Variants in NCBP2AS2 observed in about 807,000 individuals in gnomAD.
The protein encoded by NCBP2AS2 is NCBP2 antisense 2 (head to head), also known as protein NCBP2AS2.
For missense variants in NCBP2AS2, 125 were observed against 56.0 expected (o/e 2.23, Z -3.93); for synonymous variants, 67 against 28.0 (o/e 2.39, Z -4.40).
chr3:196,943,048 T>C lies in NCBP2AS2; in HGVS notation c.*32T>C. 1 of 647,694 alleles carries C rather than the reference T, an allele frequency of 1.5e-6. No homozygotes were observed. Among genetic ancestry groups the C allele is most frequent in the Non-Finnish European group, 2.7e-6 (1 of 367,086 alleles). 40.1% of individuals were successfully genotyped at this position (647,694 alleles called of 1,614,324 possible). On this transcript the variant is annotated 3_prime_UTR_variant, in exon 1 of 1. Coordinates refer to ENST00000602845, the MANE Select transcript of NCBP2AS2 (RefSeq NM_001355243.2). ...GCTGTGCGGGGCCGAGGCCGCTTGC[T>C]TTTCCTTCCGGGCTCTACAGTGGCA...
rs1716668140 is a variant in NCBP2AS2 at position 196,942,700 on chromosome 3, C to T, written c.-17C>T. 4 of 734,974 alleles carry T rather than the reference C, an allele frequency of 5.4e-6. No individual in the cohort carries two copies. The highest frequency in any genetic ancestry group is 9.4e-6 in the Non-Finnish European group (4 of 424,778). 45.5% of individuals were successfully genotyped at this position (734,974 alleles called of 1,614,324 possible). ...AAGACGAGGGCGGCGAGGTCGGGTT[C>T]CGGGCGCTTGGAGAAGATGGTGCTG... On this transcript the variant is annotated 5_prime_UTR_variant, in exon 1 of 1. Coordinates refer to ENST00000602845, the MANE Select transcript of NCBP2AS2 (RefSeq NM_001355243.2).
Position 196,943,029 on chromosome 3 carries a change from C to CGGG in NCBP2AS2, c.*15_*17dup. ...CGCAAACATTTAATCCTGGGCTGTG[C>CGGG]GGGGCCGAGGCCGCTTGCTTTTCCT... is the stretch of plus-strand genomic sequence containing the variant. On this transcript the variant is annotated 3_prime_UTR_variant, in exon 1 of 1. Coordinates refer to ENST00000602845, the MANE Select transcript of NCBP2AS2 (RefSeq NM_001355243.2). 1.5e-6 allele frequency: 1 copy of CGGG among 662,198 alleles called. No individual in the cohort carries two copies. The highest frequency in any genetic ancestry group is 2.7e-6 in the Non-Finnish European group (1 of 372,416). The allele number at this position is 662,198 out of a possible 1,614,324, so 41.0% of individuals were successfully genotyped here. A position where few individuals can be genotyped will look rare whatever the true frequency, so the allele number is the denominator to read the frequency against.
rs1716686360 is a variant in NCBP2AS2, at chr3:196,942,922, T to A, written c.206T>A (p.Phe69Tyr). The change falls in exon 1 of 1, where the codon TTT becomes TAT. Residue 69 changes from phenylalanine to tyrosine, a missense_variant. Transcript: ENST00000602845. ...VGSLCRRAER[F>Y]RDAFTQELRR... ...TCCCTGTGCCGCCGCGCTGAGCGAT[T>A]TAGAGACGCCTTCACCCAGGAGCTA... is the stretch of plus-strand genomic sequence containing the variant. The A allele has an allele frequency of 1.4e-6, 1 of 701,138 alleles. No homozygotes were observed. The highest frequency in any genetic ancestry group is 2.6e-6 in the Non-Finnish European group (1 of 384,320). 43.4% of individuals were successfully genotyped at this position (701,138 alleles called of 1,614,324 possible).
At position 196,942,795 on chromosome 3, in the gene NCBP2AS2, C is replaced by A; in HGVS notation, c.79C>A (p.Arg27=). 1.4e-6 allele frequency: 1 copy of A among 699,628 alleles called. No homozygotes were observed. Among genetic ancestry groups the A allele is most frequent in the South Asian group, 1.5e-5 (1 of 67,332 alleles). The allele number at this position is 699,628 out of a possible 1,614,324, so 43.3% of individuals were successfully genotyped here. A position where few individuals can be genotyped will look rare whatever the true frequency, so the allele number is the denominator to read the frequency against. ...VERLSESRPI[R]RAAQLTAFAL... ...ACGTCTGTCAGAGTCGCGGCCTATCCGACGTGCGGCGCAGCTCACGGCCTT... is the reference window on the plus strand; with the variant it reads ...ACGTCTGTCAGAGTCGCGGCCTATCAGACGTGCGGCGCAGCTCACGGCCTT... The change falls in exon 1 of 1, where the codon CGA becomes AGA. Residue 27 remains arginine (R), a synonymous_variant. Coordinates refer to ENST00000602845, the MANE Select transcript of NCBP2AS2 (RefSeq NM_001355243.2).
Position 196,942,761 on chromosome 3 carries a change from G to A in NCBP2AS2, c.45G>A (p.Gln15=), listed in dbSNP as rs1049553688. 25 of 700,786 alleles carry A rather than the reference G, an allele frequency of 3.6e-5. No individual in the cohort carries two copies. The highest frequency in any genetic ancestry group is 6.2e-5 in the Non-Finnish European group (24 of 384,844). The allele number at this position is 700,786 out of a possible 1,614,324, so 43.4% of individuals were successfully genotyped here. The change falls in exon 1 of 1, where the codon CAG becomes CAA. Residue 15 remains glutamine (Q), a synonymous_variant. Coordinates refer to ENST00000602845, the MANE Select transcript of NCBP2AS2 (RefSeq NM_001355243.2). ...RLLAALLHSP[Q]LVERLSESRP... Reference sequence around the variant, plus strand: ...TGGCCGCCCTGCTGCACAGCCCGCAGCTGGTGGAACGTCTGTCAGAGTCGC... The same window carrying A: ...TGGCCGCCCTGCTGCACAGCCCGCAACTGGTGGAACGTCTGTCAGAGTCGC...
rs17091708 is a variant in NCBP2AS2, at chr3:196,943,194, G to T, written c.*178G>T. ...AGACCGCCCGCTCCGTTGAAGTCTT[G>T]TGATTGGACAAGACACAGTGTGGAG... On this transcript the variant is annotated 3_prime_UTR_variant, in exon 1 of 1. Transcript: ENST00000602845. 6.1e-3 allele frequency: 3,310 copies of T among 541,092 alleles called. 70 individuals are homozygous for T. In the East Asian group the frequency reaches 0.063, roughly 10 times the overall value. 33.5% of individuals were successfully genotyped at this position (541,092 alleles called of 1,614,324 possible). A position where few individuals can be genotyped will look rare whatever the true frequency, so the allele number is the denominator to read the frequency against.
In NCBP2AS2 at chr3:196,943,228, A is replaced by G. The variant is rs1716703696; in HGVS notation, c.*212A>G. On this transcript the variant is annotated 3_prime_UTR_variant, in exon 1 of 1. Coordinates refer to ENST00000602845, the MANE Select transcript of NCBP2AS2 (RefSeq NM_001355243.2). The stretch of plus-strand genomic sequence containing the variant: ...CAAGACACAGTGTGGAGACAGCCCT[A>G]AGCCTAACAGAGATGAAGGTAGGCT... 1.3e-5 allele frequency: 6 copies of G among 457,460 alleles called. No individual in the cohort carries two copies. The East Asian group carries it at 2.3e-4, about 17-fold the overall frequency. 28.3% of individuals were successfully genotyped at this position (457,460 alleles called of 1,614,324 possible). A position where few individuals can be genotyped will look rare whatever the true frequency, so the allele number is the denominator to read the frequency against.
rs1434146171 is a variant in NCBP2AS2 at position 196,942,733 on chromosome 3, T to A, written c.17T>A (p.Leu6Gln). The A allele has an allele frequency of 2.9e-6, 2 of 699,864 alleles. No individual in the cohort carries two copies. Among genetic ancestry groups the A allele is most frequent in the Non-Finnish European group, 2.6e-6 (1 of 387,990 alleles). 43.4% of individuals were successfully genotyped at this position (699,864 alleles called of 1,614,324 possible). MVLRR[L>Q]LAALLHSPQL... Reference sequence around the variant, plus strand: ...TTGGAGAAGATGGTGCTGCGGCGGCTGCTGGCCGCCCTGCTGCACAGCCCG... The same window carrying A: ...TTGGAGAAGATGGTGCTGCGGCGGCAGCTGGCCGCCCTGCTGCACAGCCCG... Residue 6 changes from leucine to glutamine, a missense_variant, in exon 1 of 1, where the codon CTG becomes CAG. Coordinates refer to ENST00000602845, the MANE Select transcript of NCBP2AS2 (RefSeq NM_001355243.2).
Position 196,943,128 on chromosome 3 carries a change from AT to A in NCBP2AS2, c.*114del. On this transcript the variant is annotated 3_prime_UTR_variant, in exon 1 of 1. Coordinates refer to ENST00000602845, the MANE Select transcript of NCBP2AS2 (RefSeq NM_001355243.2). The stretch of plus-strand genomic sequence containing the variant: ...CGCGCGGCTTCGAATCCCGACTGGG[AT>A]TGTTGGCCTGCAGACATCCCACGCA... 1 of 596,428 alleles carries A rather than the reference AT, an allele frequency of 1.7e-6. No individual in the cohort carries two copies. Among genetic ancestry groups the A allele is most frequent in the Non-Finnish European group, 2.9e-6 (1 of 339,610 alleles). The allele number at this position is 596,428 out of a possible 1,614,324, so 36.9% of individuals were successfully genotyped here.
In NCBP2AS2 at chr3:196,943,384, C is replaced by T; in HGVS notation, c.*368C>T. 4.7e-6 allele frequency: 1 copy of T among 212,396 alleles called. No individual in the cohort carries two copies. The allele number at this position is 212,396 out of a possible 1,614,324, so 13.2% of individuals were successfully genotyped here. On this transcript the variant is annotated 3_prime_UTR_variant, in exon 1 of 1. Coordinates refer to ENST00000602845, the MANE Select transcript of NCBP2AS2 (RefSeq NM_001355243.2). ...ATAGCAGGACAGTTAATTCCAGGGACGATATGGATGAAAAGACAACCCTAC... is the reference window on the plus strand; with the variant it reads ...ATAGCAGGACAGTTAATTCCAGGGATGATATGGATGAAAAGACAACCCTAC...
At position 196,942,880 on chromosome 3, in the gene NCBP2AS2, C is replaced by G. The variant is rs1323928049; in HGVS notation, c.164C>G (p.Ala55Gly). The G allele has an allele frequency of 5.7e-6, 4 of 699,800 alleles. No homozygotes were observed. The highest frequency in any genetic ancestry group is 2.4e-4 in the Middle Eastern group (1 of 4,172). 43.3% of individuals were successfully genotyped at this position (699,800 alleles called of 1,614,324 possible). The change falls in exon 1 of 1, where the codon GCG becomes GGG. Residue 55 changes from alanine to glycine, a missense_variant. Ala to Gly is a moderately conservative substitution (Grantham distance 60). Coordinates refer to ENST00000602845, the MANE Select transcript of NCBP2AS2 (RefSeq NM_001355243.2). ...GCGGCCCGCCGCCTGCAGGACCTCG[C>G]GGCTGGGCCCGTGGGCTCCCTGTGC... The part of the protein sequence containing the change: ...QDAARRLQDL[A>G]AGPVGSLCRR...
Position 196,942,909 on chromosome 3 carries a change from C to T in NCBP2AS2, c.193C>T (p.Arg65Cys), listed in dbSNP as rs538618158. The T allele has an allele frequency of 7.6e-5, 53 of 700,932 alleles. No homozygotes were observed. Among genetic ancestry groups the T allele is most frequent in the Admixed American group, 5.0e-4 (25 of 49,920 alleles). The allele number at this position is 700,932 out of a possible 1,614,324, so 43.4% of individuals were successfully genotyped here. ...AAGPVGSLCR[R>C]AERFRDAFTQ... The stretch of plus-strand genomic sequence containing the variant: ...TGGGCCCGTGGGCTCCCTGTGCCGC[C>T]GCGCTGAGCGATTTAGAGACGCCTT... The change falls in exon 1 of 1, where the codon CGC (arginine) becomes TGC (cysteine). Residue 65 changes from arginine to cysteine, a missense_variant. Transcript: ENST00000602845.
At position 196,942,968 on chromosome 3, in the gene NCBP2AS2, C is replaced by T. The variant is rs761878360; in HGVS notation, c.252C>T (p.Arg84=). ...TQELRRGLRG[R]SGPPPGSQRG... is the part of the protein sequence containing the mutation. ...AGCTACGCCGCGGCCTCCGAGGCCG[C>T]TCGGGGCCACCACCAGGTAGCCAGA... is the stretch of plus-strand genomic sequence containing the variant. The change falls in exon 1 of 1, where the codon CGC becomes CGT. Residue 84 remains arginine (R), a synonymous_variant. Coordinates refer to ENST00000602845, the MANE Select transcript of NCBP2AS2 (RefSeq NM_001355243.2). The T allele has an allele frequency of 2.2e-5, 15 of 697,558 alleles. No individual in the cohort carries two copies. In the South Asian group the frequency reaches 2.2e-4, roughly 10 times the overall value. 43.2% of individuals were successfully genotyped at this position (697,558 alleles called of 1,614,324 possible).
Position 196,943,024 on chromosome 3 carries a change from C to G in NCBP2AS2, c.*8C>G. The G allele has an allele frequency of 1.5e-6, 1 of 664,518 alleles. No individual in the cohort carries two copies. Among genetic ancestry groups the G allele is most frequent in the South Asian group, 1.6e-5 (1 of 61,936 alleles). 41.2% of individuals were successfully genotyped at this position (664,518 alleles called of 1,614,324 possible). On this transcript the variant is annotated 3_prime_UTR_variant, in exon 1 of 1. Transcript: ENST00000602845. ...CCTGGCGCAAACATTTAATCCTGGG[C>G]TGTGCGGGGCCGAGGCCGCTTGCTT...
Position 196,942,734 on chromosome 3 carries a change from G to A in NCBP2AS2, c.18G>A (p.Leu6=). The change falls in exon 1 of 1, where the codon CTG becomes CTA. Residue 6 remains leucine, a synonymous_variant. Coordinates refer to ENST00000602845, the MANE Select transcript of NCBP2AS2 (RefSeq NM_001355243.2). Reference sequence around the variant, plus strand: ...TGGAGAAGATGGTGCTGCGGCGGCTGCTGGCCGCCCTGCTGCACAGCCCGC... The same window carrying A: ...TGGAGAAGATGGTGCTGCGGCGGCTACTGGCCGCCCTGCTGCACAGCCCGC... MVLRR[L]LAALLHSPQL... is the part of the protein sequence containing the mutation. The A allele has an allele frequency of 2.9e-6, 2 of 699,386 alleles. No individual in the cohort carries two copies. Among genetic ancestry groups the A allele is most frequent in the Admixed American group, 2.1e-5 (1 of 47,004 alleles). 43.3% of individuals were successfully genotyped at this position (699,386 alleles called of 1,614,324 possible). A position where few individuals can be genotyped will look rare whatever the true frequency, so the allele number is the denominator to read the frequency against.
rs1716683384 is a variant in NCBP2AS2, at chr3:196,942,877, T to C, written c.161T>C (p.Leu54Pro). 1.4e-6 allele frequency: 1 copy of C among 699,350 alleles called. No individual in the cohort carries two copies. Among genetic ancestry groups the C allele is most frequent in the Admixed American group, 2.0e-5 (1 of 49,814 alleles). 43.3% of individuals were successfully genotyped at this position (699,350 alleles called of 1,614,324 possible). Residue 54 changes from leucine (L) to proline (P), a missense_variant, in exon 1 of 1, where the codon CTC becomes CCC. Coordinates refer to ENST00000602845, the MANE Select transcript of NCBP2AS2 (RefSeq NM_001355243.2). ...GACGCGGCCCGCCGCCTGCAGGACC[T>C]CGCGGCTGGGCCCGTGGGCTCCCTG... ...GQDAARRLQD[L>P]AAGPVGSLCR... is the part of the protein sequence containing the mutation.
chr3:196,942,766 TG>T lies in NCBP2AS2; in HGVS notation c.52del (p.Glu18AsnfsTer143). The T allele has an allele frequency of 1.4e-6, 1 of 700,444 alleles. No individual in the cohort carries two copies. Among genetic ancestry groups the T allele is most frequent in the East Asian group, 2.7e-5 (1 of 36,976 alleles). 43.4% of individuals were successfully genotyped at this position (700,444 alleles called of 1,614,324 possible). A position where few individuals can be genotyped will look rare whatever the true frequency, so the allele number is the denominator to read the frequency against. On this transcript the variant is annotated frameshift_variant, in exon 1 of 1. Coordinates refer to ENST00000602845, the MANE Select transcript of NCBP2AS2 (RefSeq NM_001355243.2). LOFTEE classifies it high-confidence loss of function. ...GCCCTGCTGCACAGCCCGCAGCTGG[TG>T]GAACGTCTGTCAGAGTCGCGGCCTA... ...LAALLHSPQL[V>X]ERLSESRPIR...
chr3:196,943,363 C>T lies in NCBP2AS2; in HGVS notation c.*347C>T, dbSNP rs370121597. On this transcript the variant is annotated 3_prime_UTR_variant, in exon 1 of 1. Coordinates refer to ENST00000602845, the MANE Select transcript of NCBP2AS2 (RefSeq NM_001355243.2). ...ATGCTGCTCAATCTGACTGGTATAG[C>T]AGGACAGTTAATTCCAGGGACGATA... is the stretch of plus-strand genomic sequence containing the variant. 3.1e-5 allele frequency: 8 copies of T among 256,910 alleles called. No homozygotes were observed. The highest frequency in any genetic ancestry group is 1.6e-4 in the African/African-American group (7 of 43,554). 15.9% of individuals were successfully genotyped at this position (256,910 alleles called of 1,614,324 possible). A position where few individuals can be genotyped will look rare whatever the true frequency, so the allele number is the denominator to read the frequency against.
Position 196,942,771 on chromosome 3 carries a change from C to T in NCBP2AS2, c.55C>T (p.Arg19Cys). ...GCTGCACAGCCCGCAGCTGGTGGAA[C>T]GTCTGTCAGAGTCGCGGCCTATCCG... ...ALLHSPQLVE[R>C]LSESRPIRRA... Residue 19 changes from arginine (R) to cysteine (C), a missense_variant, in exon 1 of 1, where the codon CGT becomes TGT. Physicochemically the swap from Arg to Cys is radical, Grantham distance 180. Coordinates refer to ENST00000602845, the MANE Select transcript of NCBP2AS2 (RefSeq NM_001355243.2). The T allele has an allele frequency of 1.4e-6, 1 of 700,334 alleles. No individual in the cohort carries two copies. Among genetic ancestry groups the T allele is most frequent in the Non-Finnish European group, 2.6e-6 (1 of 384,430 alleles). The allele number at this position is 700,334 out of a possible 1,614,324, so 43.4% of individuals were successfully genotyped here. A position where few individuals can be genotyped will look rare whatever the true frequency, so the allele number is the denominator to read the frequency against.
Sources: allele counts gnomAD v4.1 joint callset, GRCh38; gene constraint gnomAD v4.1.1; transcripts MANE v1.5; gene names NCBI Gene and HGNC (gene_info 2026-07-23, HGNC 2026-07-21).